Variants in GPHN observed in about 807,000 individuals in gnomAD.
The protein encoded by GPHN is gephyrin.
Under a neutral mutation model 95.5 loss-of-function variants are expected in GPHN, and 17 were observed. The observed-to-expected ratio is 0.18, with a 90% CI of 0.12 to 0.27. The LOEUF (loss-of-function observed/expected upper bound fraction) is 0.27. Among genes scored for constraint, GPHN ranks in the 10% least tolerant of loss-of-function variants. GPHN has a pLI of 1.00. For missense variants in GPHN, 660 were observed against 978.1 expected (o/e 0.67, Z 4.34); for synonymous variants, 320 against 322.5 (o/e 0.99, Z 0.08).
intron 4 of GPHN, among the ~76,000 whole-genome samples, chr14:66,827,115 C>A (rs2061413348): frequency 6.6e-6 from 1 of 152,044 alleles, no homozygotes; most frequent in Non-Finnish European, 1.5e-5. Flanking sequence ...GAGACCATGT[C>A]TTTACTAAAA....
At chr14:67,215,242 T>C in the GPHN span, among the ~76,000 whole-genome samples, 1 of 152,122 alleles carries the variant, frequency 6.6e-6, no homozygotes, top group Non-Finnish European at 1.5e-5. Flanking sequence ...AACTATAGGC[T>C]CACCAGGAAT....
intron 1 of GPHN, among the ~76,000 whole-genome samples, chr14:66,573,910 C>G (rs1298619247): frequency 2.6e-5 from 4 of 152,068 alleles, no homozygotes; most frequent in Non-Finnish European, 5.9e-5. Context: ...CGAAATGAAT[C>G]TCTTGTAGGC....
At chr14:67,722,008 C>T in the GPHN span, among the ~76,000 whole-genome samples, 4 of 152,076 alleles carry the variant, frequency 2.6e-5, no homozygotes, top group Non-Finnish European at 5.9e-5. Context: ...CGAAAGCATA[C>T]GACTCAGCAG....
chr14:67,080,142 T>C (rs2076633049), intron 11 of GPHN, among the ~76,000 whole-genome samples: 2 of 152,162 alleles, frequency 1.3e-5, no homozygotes, highest in Non-Finnish European at 2.9e-5. Context: ...ATTGTGATTT[T>C]GACTTTCATT....
At chr14:67,055,849 G>A (rs1345918683) in intron 10 of GPHN, among the ~76,000 whole-genome samples, 1 of 152,170 alleles carries the variant, frequency 6.6e-6, no homozygotes, top group East Asian at 1.9e-4. Context: ...CCTTCTGGTG[G>A]GTTCGTGATC....
At chr14:66,850,944 ATTG>A (rs779377744) in intron 4 of GPHN, among the ~76,000 whole-genome samples, 3 of 152,108 alleles carry the variant, frequency 2.0e-5, no homozygotes, top group Non-Finnish European at 2.9e-5. Flanking sequence ...ATGTAATATA[ATTG>A]TTATGTTAAT....
At chr14:66,724,659 T>TA (rs1295686293) in intron 2 of GPHN, among the ~76,000 whole-genome samples, 18 of 152,152 alleles carry the variant, frequency 1.2e-4, no homozygotes, top group Admixed American at 4.6e-4. Flanking sequence ...ATGAGAGTCT[T>TA]AAAATCTGCT....
Position 66,508,558 on chromosome 14 carries a change from C to A in GPHN, c.31C>A (p.His11Asn). The part of the protein sequence containing the change: MATEGMILTN[H>N]DHQIRVGVLT... Reference sequence around the variant, plus strand: ...GACCGAGGGAATGATCCTTACTAACCACGACCATCAAATCCGTGTCGGAGT... The same window carrying A: ...GACCGAGGGAATGATCCTTACTAACAACGACCATCAAATCCGTGTCGGAGT... The change falls in exon 1 of 23, where the codon CAC (histidine) becomes AAC (asparagine). Residue 11 changes from histidine to asparagine, a missense_variant. Around this residue, in one of 6 missense-constraint regions of GPHN, gnomAD observed 92 missense variants for 91.9 expected, o/e 1.00. Transcript: ENST00000478722. The A allele has an allele frequency of 6.2e-7, 1 of 1,614,078 alleles. No individual in the cohort carries two copies. The highest frequency in any genetic ancestry group is 8.5e-7 in the Non-Finnish European group (1 of 1,179,908).
intron 2 of GPHN, chr14:66,760,760 G>T: frequency 2.1e-6 from 1 of 472,584 alleles, no homozygotes; most frequent in South Asian, 1.7e-5. Context: ...ACATAGAAAT[G>T]AACCTATCAA....
At chr14:67,577,575 G>A in the GPHN span, among the ~76,000 whole-genome samples, 1 of 152,184 alleles carries the variant, frequency 6.6e-6, no homozygotes, top group Non-Finnish European at 1.5e-5. Context: ...ATGTAATCCT[G>A]TCACTGGGAG....
At chr14:66,781,966 T>C (rs2059622108) in intron 3 of GPHN, among the ~76,000 whole-genome samples, 1 of 152,224 alleles carries the variant, frequency 6.6e-6, no homozygotes, top group African/African-American at 2.4e-5. Context: ...AAAGTAGTTA[T>C]GCCAGTTTAC....
chr14:67,019,059 G>A (rs1308986577), intron 9 of GPHN, among the ~76,000 whole-genome samples: 1 of 152,158 alleles, frequency 6.6e-6, no homozygotes, highest in Non-Finnish European at 1.5e-5. Flanking sequence ...GTTAACTACT[G>A]TCACCAATAA....
the GPHN span, among the ~76,000 whole-genome samples, chr14:67,401,015 AATAGT>A: frequency 1.6e-4 from 25 of 151,922 alleles, no homozygotes; most frequent in Non-Finnish European, 3.2e-4. Context: ...TAATAATAAT[AATAGT>A]ATGGGATGCA....
chr14:67,629,124 A>G, the GPHN span, among the ~76,000 whole-genome samples: 5 of 152,306 alleles, frequency 3.3e-5, no homozygotes, highest in Middle Eastern at 3.4e-3. Context: ...GCTTGAGTCC[A>G]GGAGTTTGAG....
chr14:66,647,362 A>G (rs897267838), intron 1 of GPHN, among the ~76,000 whole-genome samples: 2 of 151,632 alleles, frequency 1.3e-5, no homozygotes, highest in African/African-American at 4.8e-5. Context: ...AAATGCCCAC[A>G]TGATTCTCAC....
chr14:67,083,238 C>A (rs986961689), intron 11 of GPHN, among the ~76,000 whole-genome samples: 5 of 148,438 alleles, frequency 3.4e-5, no homozygotes, highest in Admixed American at 1.3e-4. Flanking sequence ...TGCCCCCCCC[C>A]CTCCAAATCT....
At chr14:67,363,491 T>G in the GPHN span, among the ~76,000 whole-genome samples, 1 of 152,194 alleles carries the variant, frequency 6.6e-6, no homozygotes, top group Non-Finnish European at 1.5e-5. Context: ...TTATAATATA[T>G]TTATGAATAG....
chr14:67,278,402 CA>C, the GPHN span, among the ~76,000 whole-genome samples: 8,845 of 151,160 alleles, frequency 0.059, 551 homozygotes, highest in African/African-American at 0.15. Context: ...ATCCTTGTCT[CA>C]ATGTAGTTTT....
At chr14:66,711,742 C>T (rs1217363443) in intron 2 of GPHN, among the ~76,000 whole-genome samples, 1 of 151,036 alleles carries the variant, frequency 6.6e-6, no homozygotes, top group Non-Finnish European at 1.5e-5. Flanking sequence ...CCTCCCCCAG[C>T]CCCCTACCCC....
Sources: allele counts gnomAD v4.1 joint callset (sites outside exome capture counted in the v4.1 genomes callset), GRCh38; gene constraint gnomAD v4.1.1; regional missense constraint gnomAD v4.1.1; transcripts MANE v1.5; gene names NCBI Gene and HGNC (gene_info 2026-07-23, HGNC 2026-07-21).